The following UBASH3B variants were observed in gnomAD, a reference collection of about 807,000 sequenced individuals.
UBASH3B encodes the protein ubiquitin associated and SH3 domain containing B.
In UBASH3B, 37 loss-of-function variants were observed where a neutral mutation model predicts 83.4. That is an observed-to-expected ratio of 0.44 (90% CI 0.34 to 0.58). UBASH3B has a LOEUF of 0.58. UBASH3B is among the 20% of genes least tolerant of loss of function. The probability of loss-of-function intolerance (pLI) is 0.01; values close to 1 mark genes in which losing one functional copy is unlikely to be tolerated. For synonymous variants in UBASH3B, 304 were observed against 318.3 expected (o/e 0.96, Z 0.48); for missense variants, 657 against 827.2 (o/e 0.79, Z 2.52).
In UBASH3B at chr11:122,810,181, C is replaced by T; in HGVS notation, c.*295C>T. The T allele has an allele frequency of 3.4e-6, 1 of 290,878 alleles. No homozygotes were observed. The highest frequency in any genetic ancestry group is 6.4e-6 in the Non-Finnish European group (1 of 155,130). 18.0% of individuals were successfully genotyped at this position (290,878 alleles called of 1,614,324 possible). A position where few individuals can be genotyped will look rare whatever the true frequency, so the allele number is the denominator to read the frequency against. On this transcript the variant is annotated 3_prime_UTR_variant, in exon 14 of 14. Transcript: ENST00000284273. The stretch of plus-strand genomic sequence containing the variant: ...GAATGTTTCGTTCCCTCTGGGTATG[C>T]ACAGCTAAGGGGCCTCATTTCTCCC...
chr11:122,777,115 A>G lies in UBASH3B; in HGVS notation c.307A>G (p.Lys103Glu). The change falls in exon 3 of 14, where the codon AAG (lysine) becomes GAG (glutamate). Residue 103 changes from lysine (K) to glutamate (E), a missense_variant. Physicochemically the swap from Lys to Glu is moderately conservative, Grantham distance 56. Coordinates refer to ENST00000284273, the MANE Select transcript of UBASH3B (RefSeq NM_032873.5). ...YLRPTGPLAQ[K>E]LSDFWQQSKQ... is the part of the protein sequence containing the mutation. Reference sequence around the variant, plus strand: ...CCGTCCCACCGGCCCCTTAGCACAGAAGCTTTCCGACTTTTGGCAGCAGTC... The same window carrying G: ...CCGTCCCACCGGCCCCTTAGCACAGGAGCTTTCCGACTTTTGGCAGCAGTC... 1 of 1,614,080 alleles carries G rather than the reference A, an allele frequency of 6.2e-7. No individual in the cohort carries two copies. The highest frequency in any genetic ancestry group is 8.5e-7 in the Non-Finnish European group (1 of 1,179,998).
intron 1 of UBASH3B, among the ~76,000 whole-genome samples, chr11:122,696,341 C>CTT (rs10632310): frequency 1.4e-5 from 2 of 146,036 alleles, no homozygotes; most frequent in Non-Finnish European, 3.0e-5. Flanking sequence ...TTTCTTTTTT[C>CTT]TTTTTGTTTT....
At chr11:122,764,490 C>A (rs1358649300) in intron 1 of UBASH3B, among the ~76,000 whole-genome samples, 1 of 152,242 alleles carries the variant, frequency 6.6e-6, no homozygotes, top group African/African-American at 2.4e-5. Flanking sequence ...TGTATGTGGC[C>A]AGTCCCTGAT....
rs1327794341 is a variant in UBASH3B at position 122,779,695 on chromosome 11, G to C, written c.601G>C (p.Glu201Gln). 1 of 1,614,118 alleles carries C rather than the reference G, an allele frequency of 6.2e-7. No homozygotes were observed. Among genetic ancestry groups the C allele is most frequent in the Non-Finnish European group, 8.5e-7 (1 of 1,180,022 alleles). ...TGCTGCAGAGGCTGCATCCAAAACCGGTGAGCAAACAGCTGCCAGGCCAGC... is the reference window on the plus strand; with the variant it reads ...TGCTGCAGAGGCTGCATCCAAAACCCGTGAGCAAACAGCTGCCAGGCCAGC... The part of the protein sequence containing the change: ...DFAAEAASKT[E>Q]VHVEPHKKQL... Residue 201 changes from glutamate to glutamine, a missense_variant and splice_region_variant, in exon 4 of 14, where the codon GAA becomes CAA. Glu to Gln is a conservative substitution (Grantham distance 29, BLOSUM62 2). Coordinates refer to ENST00000284273, the MANE Select transcript of UBASH3B (RefSeq NM_032873.5).
At chr11:122,691,454 C>T (rs983627105) in intron 1 of UBASH3B, among the ~76,000 whole-genome samples, 2 of 152,196 alleles carry the variant, frequency 1.3e-5, no homozygotes, top group Non-Finnish European at 2.9e-5. Context: ...TCAACACAGG[C>T]TGTGAGTGAA....
chr11:122,676,667 G>T (rs1863671785), intron 1 of UBASH3B, among the ~76,000 whole-genome samples: 1 of 152,150 alleles, frequency 6.6e-6, no homozygotes, highest in African/African-American at 2.4e-5. Context: ...CCAAGAATGT[G>T]CCACTGTACT....
At chr11:122,730,222 T>G (rs7951379) in intron 1 of UBASH3B, among the ~76,000 whole-genome samples, 147,295 of 152,218 alleles carry the variant, frequency 0.97, 71,418 homozygotes, top group Middle Eastern at 1. Flanking sequence ...GGAGGTGGAG[T>G]TTGCAGTGAG....
At chr11:122,719,874 C>T (rs1300353432) in intron 1 of UBASH3B, among the ~76,000 whole-genome samples, 1 of 152,168 alleles carries the variant, frequency 6.6e-6, no homozygotes, top group Non-Finnish European at 1.5e-5. Flanking sequence ...TGCAGGCGAT[C>T]AGTCCTCTCT....
chr11:122,680,732 G>A (rs1228522013), intron 1 of UBASH3B, among the ~76,000 whole-genome samples: 3 of 152,162 alleles, frequency 2.0e-5, no homozygotes, highest in Non-Finnish European at 4.4e-5. Context: ...CAAAGTGCTG[G>A]GATTACAGGC....
intron 1 of UBASH3B, among the ~76,000 whole-genome samples, chr11:122,722,436 T>C (rs923771779): frequency 1.3e-5 from 2 of 151,984 alleles, no homozygotes; most frequent in Non-Finnish European, 2.9e-5. Flanking sequence ...TTCTGCCAGA[T>C]ACTGAGAGAG....
chr11:122,689,937 C>T (rs1424364080), intron 1 of UBASH3B, among the ~76,000 whole-genome samples: 2 of 151,812 alleles, frequency 1.3e-5, no homozygotes, highest in Non-Finnish European at 2.9e-5. Flanking sequence ...CCTCCCCTGG[C>T]GCCACCCTCC....
chr11:122,691,335 T>G (rs1174056441), intron 1 of UBASH3B, among the ~76,000 whole-genome samples: 2 of 152,218 alleles, frequency 1.3e-5, no homozygotes, highest in African/African-American at 4.8e-5. Flanking sequence ...CTGGCTTTTG[T>G]AGGTTAAAGT....
chr11:122,688,898 C>T (rs910670417), intron 1 of UBASH3B, among the ~76,000 whole-genome samples: 10 of 151,960 alleles, frequency 6.6e-5, no homozygotes, highest in African/African-American at 2.4e-4. Context: ...CCTGCCTGGG[C>T]CTCCAAAAGT....
In UBASH3B at chr11:122,655,974, G is replaced by A; in HGVS notation, c.-76G>A. ...CTGGGTCCCCGAGCCCCCTCCCCTGGCCCAGCCCGACTCCCTCCTCCTTCC... is the reference window on the plus strand; with the variant it reads ...CTGGGTCCCCGAGCCCCCTCCCCTGACCCAGCCCGACTCCCTCCTCCTTCC... On this transcript the variant is annotated 5_prime_UTR_variant, in exon 1 of 14. Transcript: ENST00000284273. 7.4e-7 allele frequency: 1 copy of A among 1,355,108 alleles called. No individual in the cohort carries two copies. Among genetic ancestry groups the A allele is most frequent in the Non-Finnish European group, 9.6e-7 (1 of 1,040,138 alleles). The allele number at this position is 1,355,108 out of a possible 1,614,324, so 83.9% of individuals were successfully genotyped here. A position where few individuals can be genotyped will look rare whatever the true frequency, so the allele number is the denominator to read the frequency against.
At position 122,695,463 on chromosome 11, in the gene UBASH3B, T is replaced by C. The variant is rs534979962; in HGVS notation, c.161+39253T>C. Among the ~76,000 whole-genome samples the C allele has an allele frequency of 4.6e-5, 7 of 152,326 alleles. No homozygotes were observed. In the South Asian group the frequency reaches 1.5e-3, roughly 32 times the overall value. On this transcript the variant is annotated intron_variant, in intron 1 of 13. Coordinates refer to ENST00000284273, the MANE Select transcript of UBASH3B (RefSeq NM_032873.5). ...TCCGGCTCCTCCTCTGCAAACATGCTGAGTCCTCCCAACCTTGATAACGCT... is the reference window on the plus strand; with the variant it reads ...TCCGGCTCCTCCTCTGCAAACATGCCGAGTCCTCCCAACCTTGATAACGCT...
chr11:122,717,718 C>T (rs1860548908), intron 1 of UBASH3B, among the ~76,000 whole-genome samples: 1 of 152,122 alleles, frequency 6.6e-6, no homozygotes, highest in East Asian at 1.9e-4. Flanking sequence ...TCGTTGTTCT[C>T]CAGGAACTGC....
intron 1 of UBASH3B, among the ~76,000 whole-genome samples, chr11:122,739,824 A>T (rs1860995777): frequency 6.6e-6 from 1 of 152,148 alleles, no homozygotes; most frequent in Admixed American, 6.5e-5. Flanking sequence ...ATTAAGCTTT[A>T]TGGGATTTAC....
At chr11:122,667,481 A>G (rs891240334) in intron 1 of UBASH3B, among the ~76,000 whole-genome samples, 10 of 152,170 alleles carry the variant, frequency 6.6e-5, no homozygotes, top group African/African-American at 9.7e-5. Flanking sequence ...CCCTCAGGAA[A>G]CTGGCAATCT....
intron 1 of UBASH3B, among the ~76,000 whole-genome samples, chr11:122,700,411 C>T (rs577568190): frequency 1.3e-5 from 2 of 152,036 alleles, no homozygotes; most frequent in East Asian, 3.9e-4. Flanking sequence ...CTTTTCCAAA[C>T]ACCATTACAT....
Sources: gnomAD v4.1 joint callset for allele counts (sites outside exome capture counted in the v4.1 genomes callset) on GRCh38, gnomAD v4.1.1 for gene constraint, MANE v1.5 for transcripts, NCBI Gene and HGNC (gene_info 2026-07-23, HGNC 2026-07-21) for gene names.